NXPH1: variants seen among roughly 807,000 people sequenced by gnomAD.
The protein encoded by NXPH1 is neurexophilin 1.
A neutral mutation model predicts 23.7 loss-of-function variants in NXPH1; 5 were observed. The observed-to-expected ratio is 0.21, with a 90% CI of 0.11 to 0.44. NXPH1 has a LOEUF of 0.44. Ranked by LOEUF, NXPH1 falls within the 20% of genes least tolerant of loss-of-function variation. The pLI, the probability that NXPH1 is intolerant of heterozygous loss-of-function variation, is 0.99. For missense variants in NXPH1, 324 were observed against 321.6 expected, an observed-to-expected ratio of 1.01 and a Z score of -0.06; for synonymous variants, 144 against 122.2, an observed-to-expected ratio of 1.18 and a Z score of -1.18.
chr7:8,661,855 C>G (rs1820680927), intron 2 of NXPH1, among the ~76,000 whole-genome samples: 1 of 151,780 alleles, frequency 6.6e-6, no homozygotes, highest in South Asian at 2.1e-4. Flanking sequence ...AATGAATTAC[C>G]AAGTATGACT....
intron 2 of NXPH1, among the ~76,000 whole-genome samples, chr7:8,646,944 A>G (rs1032193326): frequency 2.0e-5 from 3 of 151,978 alleles, no homozygotes; most frequent in Non-Finnish European, 4.4e-5. Flanking sequence ...GGAGGGGTAC[A>G]TGGAGAGAAC....
intron 2 of NXPH1, among the ~76,000 whole-genome samples, chr7:8,585,171 A>G (rs746171084): frequency 6.6e-6 from 1 of 152,226 alleles, no homozygotes; most frequent in Non-Finnish European, 1.5e-5. Flanking sequence ...ATCTGGTAAC[A>G]TGAAATACTT....
chr7:8,526,894 A>G (rs1319660200), intron 2 of NXPH1, among the ~76,000 whole-genome samples: 1 of 152,144 alleles, frequency 6.6e-6, no homozygotes, highest in Non-Finnish European at 1.5e-5. Context: ...GGCACAGGTA[A>G]ATATATTGTC....
chr7:8,679,695 T>A (rs1330779709), intron 2 of NXPH1, among the ~76,000 whole-genome samples: 1 of 152,232 alleles, frequency 6.6e-6, no homozygotes, highest in Non-Finnish European at 1.5e-5. Flanking sequence ...GTGGCCTTAA[T>A]CACCCAAGTC....
chr7:8,747,115 A>G (rs1180985831), intron 2 of NXPH1, among the ~76,000 whole-genome samples: 3 of 152,088 alleles, frequency 2.0e-5, no homozygotes, highest in Non-Finnish European at 4.4e-5. Flanking sequence ...TGTGAAGAAG[A>G]TTGATATTAT....
At chr7:8,446,442 T>A (rs918760509) in intron 2 of NXPH1, among the ~76,000 whole-genome samples, 1 of 152,224 alleles carries the variant, frequency 6.6e-6, no homozygotes, top group Non-Finnish European at 1.5e-5. Context: ...AAGGCCTGTC[T>A]AACATTGCTT....
intron 2 of NXPH1, among the ~76,000 whole-genome samples, chr7:8,438,953 C>T (rs1292508690): frequency 1.3e-5 from 2 of 152,204 alleles, no homozygotes; most frequent in African/African-American, 2.4e-5. Flanking sequence ...AGCTGGAATA[C>T]TCAAAATCCA....
intron 2 of NXPH1, among the ~76,000 whole-genome samples, chr7:8,643,610 A>G (rs78241580): frequency 0.047 from 7,216 of 152,154 alleles, 379 homozygotes; most frequent in East Asian, 0.17. Flanking sequence ...TTTTATAGTT[A>G]TTGCAAAGGA....
At chr7:8,701,024 G>T (rs1036410613) in intron 2 of NXPH1, among the ~76,000 whole-genome samples, 1 of 152,196 alleles carries the variant, frequency 6.6e-6, no homozygotes, top group South Asian at 2.1e-4. Context: ...CACTTGGAAA[G>T]TTTCACCACT....
intron 2 of NXPH1, among the ~76,000 whole-genome samples, chr7:8,601,644 G>T (rs1562420929): frequency 6.6e-6 from 1 of 152,142 alleles, no homozygotes; most frequent in African/African-American, 2.4e-5. Context: ...CCCATAAGAG[G>T]TACATCTACT....
At chr7:8,497,116 GT>G (rs1234708068) in intron 2 of NXPH1, among the ~76,000 whole-genome samples, 13 of 152,100 alleles carry the variant, frequency 8.5e-5, no homozygotes, top group Non-Finnish European at 1.9e-4. Context: ...GCAGTGTTTG[GT>G]TTTCTGTCCT....
intron 2 of NXPH1, among the ~76,000 whole-genome samples, chr7:8,587,949 A>G (rs973027061): frequency 1.3e-5 from 2 of 152,126 alleles, no homozygotes; most frequent in African/African-American, 4.8e-5. Flanking sequence ...TTATGATCAG[A>G]CACTTCTCAA....
At chr7:8,603,420 G>A (rs988110856) in intron 2 of NXPH1, among the ~76,000 whole-genome samples, 20 of 151,936 alleles carry the variant, frequency 1.3e-4, no homozygotes, top group Middle Eastern at 3.4e-3. Context: ...TTTTGTTTTT[G>A]TTTTTTTGCT....
chr7:8,671,379 A>G (rs757827979), intron 2 of NXPH1, among the ~76,000 whole-genome samples: 12 of 152,164 alleles, frequency 7.9e-5, no homozygotes, highest in Non-Finnish European at 1.6e-4. Flanking sequence ...TTGATTGCCA[A>G]TATGATGTTT....
At chr7:8,445,034 C>T (rs892670222) in intron 2 of NXPH1, among the ~76,000 whole-genome samples, 4 of 152,172 alleles carry the variant, frequency 2.6e-5, no homozygotes, top group African/African-American at 9.7e-5. Context: ...TTTCCTCCCA[C>T]CCTCTTCATT....
intron 2 of NXPH1, among the ~76,000 whole-genome samples, chr7:8,543,628 CAA>C (rs1305097942): frequency 6.6e-6 from 1 of 151,540 alleles, no homozygotes; most frequent in Non-Finnish European, 1.5e-5. Flanking sequence ...TTGGAAAAAA[CAA>C]ATTTCTTTAA....
intron 2 of NXPH1, among the ~76,000 whole-genome samples, chr7:8,731,105 T>C (rs1282799663): frequency 2.6e-5 from 4 of 152,000 alleles, no homozygotes; most frequent in Admixed American, 1.3e-4. Flanking sequence ...CTTCTATCAC[T>C]GATACCCTTT....
chr7:8,516,394 G>A (rs542267032), intron 2 of NXPH1, among the ~76,000 whole-genome samples: 17 of 152,044 alleles, frequency 1.1e-4, no homozygotes, highest in East Asian at 3.9e-4. Flanking sequence ...TATTTGTTTC[G>A]TTGTCTACTG....
intron 2 of NXPH1, among the ~76,000 whole-genome samples, chr7:8,513,799 A>G (rs1463906240): frequency 6.6e-6 from 1 of 152,058 alleles, no homozygotes; most frequent in Non-Finnish European, 1.5e-5. Context: ...GTCTTGCTCC[A>G]TGTATTCGTT....
Sources: allele counts gnomAD v4.1 joint callset (sites outside exome capture counted in the v4.1 genomes callset), GRCh38; gene constraint gnomAD v4.1.1; transcripts MANE v1.5; gene names NCBI Gene and HGNC (gene_info 2026-07-23, HGNC 2026-07-21).